The following PAK5 variants were observed in gnomAD, a reference collection of about 807,000 sequenced individuals.
The protein encoded by PAK5 is p21 (RAC1) activated kinase 5, also known as serine/threonine-protein kinase PAK 5.
In PAK5, 16 loss-of-function variants were observed where a neutral mutation model predicts 65.9. The observed-to-expected ratio is 0.24, with a 90% confidence interval of 0.16 to 0.37. PAK5 has a LOEUF of 0.37. Among genes scored for constraint, PAK5 ranks in the 10% least tolerant of loss-of-function variants. The pLI is 1.00. For synonymous variants in PAK5, 371 were observed against 354.9 expected (o/e 1.05, Z -0.51); for missense variants, 785 against 903.9 (o/e 0.87, Z 1.69).
chr20:9,739,539 A>G (rs1332507593), intron 1 of PAK5, among the ~76,000 whole-genome samples: 1 of 152,166 alleles, frequency 6.6e-6, no homozygotes, highest in Non-Finnish European at 1.5e-5. Flanking sequence ...CCCAAGGGAC[A>G]GTGCCATTTT....
At chr20:9,694,201 A>T (rs1318115410) in intron 2 of PAK5, among the ~76,000 whole-genome samples, 1 of 152,090 alleles carries the variant, frequency 6.6e-6, no homozygotes, top group African/African-American at 2.4e-5. Flanking sequence ...TATTAAAACA[A>T]TTTCTGAAGG....
intron 2 of PAK5, among the ~76,000 whole-genome samples, chr20:9,661,477 A>T (rs1265556868): frequency 6.6e-6 from 1 of 152,158 alleles, no homozygotes; most frequent in East Asian, 1.9e-4. Flanking sequence ...ATGTGACCAC[A>T]CCTGAGAAGA....
At chr20:9,648,867 C>T (rs2047168629) in intron 2 of PAK5, among the ~76,000 whole-genome samples, 1 of 152,140 alleles carries the variant, frequency 6.6e-6, no homozygotes, top group Admixed American at 6.5e-5. Flanking sequence ...TTTCTTGGGT[C>T]CTGTCATGTC....
chr20:9,790,339 G>A (rs2049037188), intron 1 of PAK5, among the ~76,000 whole-genome samples: 1 of 152,088 alleles, frequency 6.6e-6, no homozygotes, highest in East Asian at 1.9e-4. Context: ...GTATAAAGGG[G>A]CCCCAGAAAA....
chr20:9,553,280 C>A (rs535686554), intron 7 of PAK5, among the ~76,000 whole-genome samples: 1 of 152,116 alleles, frequency 6.6e-6, no homozygotes, highest in Non-Finnish European at 1.5e-5. Flanking sequence ...GCTAGTTACC[C>A]GGTGAGTTAC....
intron 7 of PAK5, 136 bp downstream of exon 7, chr20:9,557,472 G>C: frequency 1.6e-6 from 1 of 619,586 alleles, no homozygotes; most frequent in Non-Finnish European, 2.6e-6. Flanking sequence ...TTTTTTGTAA[G>C]TGTTCTGGGA....
At chr20:9,645,072 A>AATTTTGTCAC (rs1357906840) in intron 2 of PAK5, among the ~76,000 whole-genome samples, 2 of 152,234 alleles carry the variant, frequency 1.3e-5, no homozygotes, top group Admixed American at 6.5e-5. Context: ...AGCACTTGGA[A>AATTTTGTCAC]AAACATCTGT....
chr20:9,575,359 G>C (rs2045868013), intron 4 of PAK5, among the ~76,000 whole-genome samples: 1 of 152,138 alleles, frequency 6.6e-6, no homozygotes, highest in East Asian at 1.9e-4. Flanking sequence ...CCAGTTCAAA[G>C]TAGGTACTGA....
At chr20:9,641,855 G>A (rs2047070771) in intron 3 of PAK5, among the ~76,000 whole-genome samples, 1 of 152,266 alleles carries the variant, frequency 6.6e-6, no homozygotes, top group Middle Eastern at 3.4e-3. Context: ...CATTGCCCGG[G>A]GCCAGCAGGG....
chr20:9,698,075 G>GA (rs956237665), intron 2 of PAK5, among the ~76,000 whole-genome samples: 1 of 152,022 alleles, frequency 6.6e-6, no homozygotes, highest in African/African-American at 2.4e-5. Context: ...GTAAAAGGAA[G>GA]AAAAAAATCA....
intron 2 of PAK5, among the ~76,000 whole-genome samples, chr20:9,658,577 G>A (rs994815040): frequency 6.6e-6 from 1 of 152,184 alleles, no homozygotes; most frequent in African/African-American, 2.4e-5. Flanking sequence ...GAGCTTCAAT[G>A]TCACATTGCC....
At chr20:9,834,545 A>G (rs1038850659) in intron 1 of PAK5, among the ~76,000 whole-genome samples, 1 of 152,178 alleles carries the variant, frequency 6.6e-6, no homozygotes, top group East Asian at 1.9e-4. Flanking sequence ...TGAGAAAGCA[A>G]TTGCATGCTC....
rs190772677 is a variant in PAK5 at position 9,629,264 on chromosome 20, T to C, written c.204+14861A>G. ...AAATGTGTGTTGTTTTCAGCTGTTA[T>C]ATTTATGGTAATTTGTTACATAGCA... On this transcript the variant is annotated intron_variant, in intron 3 of 9. Transcript: ENST00000353224. 3.3e-4 allele frequency among the ~76,000 whole-genome samples: 50 copies of C among 152,334 alleles called. No homozygotes were observed. The East Asian group carries it at 8.3e-3, about 25-fold the overall frequency.
At chr20:9,604,152 A>C (rs541416883) in intron 3 of PAK5, among the ~76,000 whole-genome samples, 1 of 152,198 alleles carries the variant, frequency 6.6e-6, no homozygotes, top group East Asian at 1.9e-4. Context: ...GGGAGTGGCC[A>C]ACCTGATTAG....
In PAK5 at chr20:9,705,126, A is replaced by T. The variant is rs755865034; in HGVS notation, c.-12+6160T>A. Among the ~76,000 whole-genome samples the T allele has an allele frequency of 2.6e-5, 4 of 152,224 alleles. No homozygotes were observed. The South Asian group carries it at 8.3e-4, about 31-fold the overall frequency. The stretch of plus-strand genomic sequence containing the variant: ...AATGTGCTGCAAGGCACAGGACAGT[A>T]TCCCATGGGAATTATGCAGTCCAAA... On this transcript the variant is annotated intron_variant, in intron 2 of 9. Coordinates refer to ENST00000353224, the MANE Select transcript of PAK5 (RefSeq NM_177990.4).
intron 3 of PAK5, among the ~76,000 whole-genome samples, chr20:9,643,276 T>TC (rs1281748279): frequency 6.6e-6 from 1 of 152,194 alleles, no homozygotes; most frequent in Non-Finnish European, 1.5e-5. Context: ...GATGTTTAAC[T>TC]CCCATAGAGA....
At position 9,537,949 on chromosome 20, in the gene PAK5, G is replaced by C; in HGVS notation, c.*1513C>G. On this transcript the variant is annotated 3_prime_UTR_variant, in exon 10 of 10. Transcript: ENST00000353224. Reference sequence around the variant, plus strand: ...TTCTTAATTATGCTTAGAGCAACCAGAGCGCTATCACAAATTTAAATTCAT... The same window carrying C: ...TTCTTAATTATGCTTAGAGCAACCACAGCGCTATCACAAATTTAAATTCAT... 4.3e-6 allele frequency: 1 copy of C among 231,036 alleles called. No individual in the cohort carries two copies. 14.3% of individuals were successfully genotyped at this position (231,036 alleles called of 1,614,324 possible).
intron 1 of PAK5, among the ~76,000 whole-genome samples, chr20:9,757,470 T>C (rs921585501): frequency 4.6e-5 from 7 of 152,200 alleles, no homozygotes; most frequent in Non-Finnish European, 5.9e-5. Flanking sequence ...AGATATTTCA[T>C]TGGTTTCCAC....
chr20:9,667,187 G>T (rs1453361171), intron 2 of PAK5, among the ~76,000 whole-genome samples: 1 of 152,148 alleles, frequency 6.6e-6, no homozygotes, highest in Admixed American at 6.5e-5. Context: ...TGAGGCAGGA[G>T]AATCTCTTGA....
Sources: allele counts gnomAD v4.1 joint callset (sites outside exome capture counted in the v4.1 genomes callset), GRCh38; gene constraint gnomAD v4.1.1; transcripts MANE v1.5; gene names NCBI Gene and HGNC (gene_info 2026-07-23, HGNC 2026-07-21).